ANKRD36: variants seen among roughly 807,000 people sequenced by gnomAD.
ANKRD36 encodes the protein ankyrin repeat domain 36, also known as ankyrin repeat domain-containing protein 36A.
A neutral mutation model predicts 278.1 loss-of-function variants in ANKRD36; 179 were observed. That is an observed-to-expected ratio of 0.64 (90% CI 0.57 to 0.73). ANKRD36 has a LOEUF of 0.73. Ranked by LOEUF, ANKRD36 falls within the 30% of genes least tolerant of loss-of-function variation. The pLI, the probability that ANKRD36 is intolerant of heterozygous loss-of-function variation, is 0.00. For synonymous variants in ANKRD36, 320 were observed against 641.1 expected (o/e 0.50, Z 7.57); for missense variants, 1,159 against 1,956.7 (o/e 0.59, Z 7.69).
chr2:97,124,092 A>G (rs2037853380), intron 4 of ANKRD36, among the ~76,000 whole-genome samples: 1 of 151,342 alleles, frequency 6.6e-6, no homozygotes, highest in African/African-American at 2.4e-5. Flanking sequence ...CTCTTATCTG[A>G]CCCTTCAGCT....
At chr2:97,197,633 A>G (rs1231826372) in intron 42 of ANKRD36, among the ~76,000 whole-genome samples, 1 of 151,982 alleles carries the variant, frequency 6.6e-6, no homozygotes, top group Non-Finnish European at 1.5e-5. Flanking sequence ...AAGAAAAATT[A>G]TGCTGCATTG....
intron 40 of ANKRD36, among the ~76,000 whole-genome samples, chr2:97,195,711 T>C (rs1245506578): frequency 2.0e-5 from 3 of 151,988 alleles, no homozygotes; most frequent in African/African-American, 7.2e-5. Context: ...ATGAAACTTC[T>C]TTAGAAAATA....
At chr2:97,231,468 G>GT (rs1316601901) in intron 67 of ANKRD36, among the ~76,000 whole-genome samples, 1 of 152,156 alleles carries the variant, frequency 6.6e-6, no homozygotes, top group East Asian at 2.0e-4. Context: ...CTGGTGTGCC[G>GT]TTTTTTAAGC....
At chr2:97,214,059 T>A (rs2065337393) in intron 60 of ANKRD36, among the ~76,000 whole-genome samples, 1 of 151,330 alleles carries the variant, frequency 6.6e-6, no homozygotes, top group Admixed American at 6.6e-5. Flanking sequence ...TAGCAATGAT[T>A]TTTCCCAAGG....
intron 10 of ANKRD36, 93 bp downstream of exon 10, chr2:97,144,805 G>C (rs536758772): frequency 7.5e-7 from 1 of 1,341,844 alleles, no homozygotes; most frequent in Non-Finnish European, 1.0e-6. Flanking sequence ...TTGAAGCTGC[G>C]CATTCTGATT....
At chr2:97,138,150 A>C (rs200313286) in intron 6 of ANKRD36, among the ~76,000 whole-genome samples, 8 of 152,070 alleles carry the variant, frequency 5.3e-5, no homozygotes, top group Admixed American at 1.3e-4. Flanking sequence ...AAAGGAAGTC[A>C]AATTGTCTCT....
chr2:97,203,742 C>G (rs866445918), intron 48 of ANKRD36, among the ~76,000 whole-genome samples: 16 of 151,288 alleles, frequency 1.1e-4, no homozygotes, highest in African/African-American at 2.2e-4. Context: ...TTGATTCTGA[C>G]GTGTATGAGT....
chr2:97,185,131 T>A (rs1265465136), intron 28 of ANKRD36, among the ~76,000 whole-genome samples, 185 bp from the exon 29 acceptor site: 1 of 151,834 alleles, frequency 6.6e-6, no homozygotes, highest in Non-Finnish European at 1.5e-5. Flanking sequence ...AAGGGTTTAT[T>A]TTGTGAAACC....
chr2:97,177,280 C>T (rs1321790968), intron 22 of ANKRD36, among the ~76,000 whole-genome samples: 2 of 151,810 alleles, frequency 1.3e-5, no homozygotes, highest in African/African-American at 2.4e-5. Context: ...TCAATGCCAT[C>T]CCCATCAAGC....
At chr2:97,142,439 G>C (rs2043142283) in intron 6 of ANKRD36, among the ~76,000 whole-genome samples, 1 of 152,116 alleles carries the variant, frequency 6.6e-6, no homozygotes, top group Non-Finnish European at 1.5e-5. Flanking sequence ...GAAATTGTAA[G>C]TGTATTTTTC....
At chr2:97,171,354 TG>T (rs2052434624) in intron 22 of ANKRD36, among the ~76,000 whole-genome samples, 1 of 146,698 alleles carries the variant, frequency 6.8e-6, no homozygotes, top group South Asian at 2.2e-4. Flanking sequence ...ATATACACCA[TG>T]GAATACTATG....
In ANKRD36 at chr2:97,118,053, C is replaced by A; in HGVS notation, c.198-11C>A. ...AGTTACATGTTTTAAAAAGTCCTGT[C>A]ACTCTCACAGGACCGCCCTACATTT... On this transcript the variant is annotated splice_polypyrimidine_tract_variant and intron_variant, in intron 1 of 75. Transcript: ENST00000420699. The A allele has an allele frequency of 1.3e-6, 2 of 1,549,278 alleles. No homozygotes were observed. The highest frequency in any genetic ancestry group is 1.7e-6 in the Non-Finnish European group (2 of 1,145,896).
chr2:97,199,355 T>C (rs555752731), intron 44 of ANKRD36, among the ~76,000 whole-genome samples: 11 of 152,040 alleles, frequency 7.2e-5, no homozygotes, highest in African/African-American at 2.2e-4. Context: ...TTGTTGATTT[T>C]AGTTATAAAA....
At position 97,185,472 on chromosome 2, in the gene ANKRD36, T is replaced by C. The variant is rs1295487253; in HGVS notation, c.2003T>C (p.Ile668Thr). 2 of 1,611,000 alleles carry C rather than the reference T, an allele frequency of 1.2e-6. No homozygotes were observed. Among genetic ancestry groups the C allele is most frequent in the Non-Finnish European group, 1.7e-6 (2 of 1,178,626 alleles). Residue 668 changes from isoleucine to threonine, a missense_variant, in exon 30 of 76, where the codon ATA becomes ACA. Physicochemically the swap from Ile to Thr is moderately conservative, Grantham distance 89 (BLOSUM62 -1). Coordinates refer to ENST00000420699, the MANE Select transcript of ANKRD36 (RefSeq NM_001354587.1). ...GACAAGACAGATTCTGCTTTGAATA[T>C]AGCTACAGAAATAAAGGATGGACTA... ...TSDKTDSALN[I>T]ATEIKDGLQC...
intron 4 of ANKRD36, 72 bp downstream of exon 4, chr2:97,123,065 G>A (rs2037350574): frequency 1.6e-6 from 2 of 1,237,756 alleles, no homozygotes; most frequent in Admixed American, 2.9e-5. Flanking sequence ...AGTCCCTCAA[G>A]TCACAAATAT....
At chr2:97,178,059 CA>C (rs1473474804) in intron 22 of ANKRD36, among the ~76,000 whole-genome samples, 1 of 149,566 alleles carries the variant, frequency 6.7e-6, no homozygotes, top group East Asian at 2.0e-4. Flanking sequence ...TTTATGCAGC[CA>C]AAAAACACAT....
intron 22 of ANKRD36, among the ~76,000 whole-genome samples, chr2:97,171,722 TAA>T (rs1019471002): frequency 3.7e-5 from 5 of 133,452 alleles, no homozygotes; most frequent in Non-Finnish European, 6.5e-5. Context: ...AAGTGTTCTG[TAA>T]AAAAAAAAAC....
intron 24 of ANKRD36, among the ~76,000 whole-genome samples, chr2:97,180,266 A>C (rs550087056): frequency 8.6e-5 from 13 of 151,772 alleles, no homozygotes; most frequent in African/African-American, 3.1e-4. Flanking sequence ...GAGATGAAGT[A>C]ATAGATATTA....
At chr2:97,240,982 G>GGT (rs2074242164) in intron 68 of ANKRD36, among the ~76,000 whole-genome samples, 2 of 52,986 alleles carry the variant, frequency 3.8e-5, no homozygotes, top group Non-Finnish European at 6.5e-5. Flanking sequence ...ACATAACTAT[G>GGT]TTTTTTTTTT....
Sources: allele counts gnomAD v4.1 joint callset (sites outside exome capture counted in the v4.1 genomes callset), GRCh38; gene constraint gnomAD v4.1.1; transcripts MANE v1.5; gene names NCBI Gene and HGNC (gene_info 2026-07-23, HGNC 2026-07-21).